TENM3: variants seen among roughly 807,000 people sequenced by gnomAD.
TENM3 encodes teneurin-3.
In TENM3, 63 loss-of-function variants were observed where a neutral mutation model predicts 255.1. The observed-to-expected ratio is 0.25, with a 90% CI of 0.20 to 0.30. The LOEUF (loss-of-function observed/expected upper bound fraction) is 0.30, where lower values mean the gene tolerates loss of function less well. TENM3 is among the 10% of genes least tolerant of loss of function. The pLI is 1.00. For missense variants in TENM3, 2,929 were observed against 3,461.1 expected (o/e 0.85, Z 3.86); for synonymous variants, 1,306 against 1,322.3 (o/e 0.99, Z 0.27).
intron 3 of TENM3, among the ~76,000 whole-genome samples, chr4:182,405,374 G>A (rs1218208348): frequency 6.6e-6 from 1 of 152,168 alleles, no homozygotes; most frequent in African/African-American, 2.4e-5. Context: ...CTTTTCCTTT[G>A]TATACTGATG....
Position 182,785,009 on chromosome 4 carries a change from G to A in TENM3, c.5305-4084G>A, listed in dbSNP as rs183628369. On this transcript the variant is annotated intron_variant, in intron 24 of 27. Coordinates refer to ENST00000511685, the MANE Select transcript of TENM3 (RefSeq NM_001080477.4). The stretch of plus-strand genomic sequence containing the variant: ...CTCAGATGGAAATGCAGAAATCACC[G>A]TCTTCGGCGTCTCTCATGCTGGGAG... Among the ~76,000 whole-genome samples the A allele has an allele frequency of 4.6e-3, 703 of 152,248 alleles. 3 individuals carry two copies. Among genetic ancestry groups the A allele is most frequent in the African/African-American group, 0.016 (646 of 41,558 alleles).
the TENM3 span, among the ~76,000 whole-genome samples, chr4:181,534,698 G>C: frequency 6.6e-6 from 1 of 152,100 alleles, no homozygotes; most frequent in African/African-American, 2.4e-5. Flanking sequence ...TTACCACACA[G>C]TTTATTTCAG....
intron 1 of TENM3, among the ~76,000 whole-genome samples, chr4:182,167,199 T>G (rs1314710852): frequency 6.6e-6 from 1 of 152,218 alleles, no homozygotes; most frequent in African/African-American, 2.4e-5. Context: ...TTCTCACACT[T>G]ACAAAAATAA....
chr4:182,186,628 TG>T (rs1753168026), intron 1 of TENM3, among the ~76,000 whole-genome samples: 1 of 150,926 alleles, frequency 6.6e-6, no homozygotes, highest in Admixed American at 6.6e-5. Flanking sequence ...GCCAATGTAT[TG>T]ACTTCTGGAT....
At chr4:182,503,327 T>TC (rs1216802940) in intron 3 of TENM3, among the ~76,000 whole-genome samples, 1 of 152,194 alleles carries the variant, frequency 6.6e-6, no homozygotes, top group African/African-American at 2.4e-5. Flanking sequence ...CTTTAGCGTC[T>TC]CCAGGGACTC....
chr4:182,793,957 A>G lies in TENM3; in HGVS notation c.7213+72A>G, dbSNP rs558645971. On this transcript the variant is annotated intron_variant, in intron 26 of 27. Coordinates refer to ENST00000511685, the MANE Select transcript of TENM3 (RefSeq NM_001080477.4). The surrounding 1 kb of genome is among the most constrained non-coding windows in gnomAD (Gnocchi z 5.7). ...AGATTAATACACAAAATAACTGGAA[A>G]TGCTTTTTTAAAAAACTTTATACTT... is the stretch of plus-strand genomic sequence containing the variant. The G allele has an allele frequency of 5.0e-4, 693 of 1,377,770 alleles. 4 individuals carry two copies. In the African/African-American group the frequency reaches 9.2e-3, roughly 18 times the overall value. 85.3% of individuals were successfully genotyped at this position (1,377,770 alleles called of 1,614,324 possible). A position where few individuals can be genotyped will look rare whatever the true frequency, so the allele number is the denominator to read the frequency against.
the TENM3 span, among the ~76,000 whole-genome samples, chr4:181,601,750 C>T: frequency 6.6e-6 from 1 of 152,062 alleles, no homozygotes; most frequent in South Asian, 2.1e-4. Flanking sequence ...CCTTCCTGGG[C>T]TCATATGAAC....
At chr4:181,740,270 G>C in the TENM3 span, among the ~76,000 whole-genome samples, 1 of 152,026 alleles carries the variant, frequency 6.6e-6, no homozygotes, top group Non-Finnish European at 1.5e-5. Flanking sequence ...TTTATGTCTT[G>C]AAGTTAATGA....
At chr4:181,542,197 A>G in the TENM3 span, among the ~76,000 whole-genome samples, 1 of 152,212 alleles carries the variant, frequency 6.6e-6, no homozygotes, top group Admixed American at 6.5e-5. Flanking sequence ...AAAGATGAGA[A>G]TAACGTATTC....
At chr4:182,479,662 C>T (rs999536874) in intron 3 of TENM3, among the ~76,000 whole-genome samples, 5 of 151,798 alleles carry the variant, frequency 3.3e-5, no homozygotes, top group Admixed American at 6.6e-5. Flanking sequence ...GTTGAAAATA[C>T]TATTTTTACA....
At chr4:182,415,767 T>G (rs912299671) in intron 3 of TENM3, among the ~76,000 whole-genome samples, 2 of 152,160 alleles carry the variant, frequency 1.3e-5, no homozygotes, top group African/African-American at 2.4e-5. Context: ...TATTGAACTT[T>G]AAGAAAATTA....
chr4:181,608,146 A>G, the TENM3 span, among the ~76,000 whole-genome samples: 5 of 152,182 alleles, frequency 3.3e-5, no homozygotes, highest in African/African-American at 9.6e-5. Flanking sequence ...TTTAGAGGTA[A>G]GTTTTAGCCT....
chr4:182,270,696 G>A (rs573358806), intron 1 of TENM3, among the ~76,000 whole-genome samples: 1 of 152,274 alleles, frequency 6.6e-6, no homozygotes, highest in South Asian at 2.1e-4. Flanking sequence ...CATCTACAGA[G>A]ACCTAAGGTA....
the TENM3 span, among the ~76,000 whole-genome samples, chr4:182,041,802 G>A: frequency 6.6e-6 from 1 of 152,176 alleles, no homozygotes; most frequent in Non-Finnish European, 1.5e-5. Context: ...TATGCAGCTG[G>A]TTGGTCTTGA....
chr4:182,371,092 A>G (rs1043164064), intron 3 of TENM3, among the ~76,000 whole-genome samples: 7 of 152,110 alleles, frequency 4.6e-5, no homozygotes, highest in Non-Finnish European at 1.0e-4. Flanking sequence ...TCTTTCTCAA[A>G]ACTAATTAGA....
chr4:182,309,082 A>G (rs1762297245), intron 1 of TENM3, among the ~76,000 whole-genome samples: 1 of 152,078 alleles, frequency 6.6e-6, no homozygotes, highest in African/African-American at 2.4e-5. Flanking sequence ...CGAATCAGAC[A>G]CTCAGACTGA....
the TENM3 span, among the ~76,000 whole-genome samples, chr4:181,663,694 A>G: frequency 6.6e-6 from 1 of 152,204 alleles, no homozygotes; most frequent in Non-Finnish European, 1.5e-5. Flanking sequence ...GAGGTTTGAC[A>G]CCAGTGTCCA....
intron 3 of TENM3, among the ~76,000 whole-genome samples, chr4:182,499,892 C>T (rs1736156025): frequency 6.6e-6 from 1 of 152,126 alleles, no homozygotes; most frequent in Admixed American, 6.6e-5. Flanking sequence ...TATACATAAA[C>T]ATTGAGTAGT....
chr4:181,538,530 T>G, the TENM3 span, among the ~76,000 whole-genome samples: 3 of 142,778 alleles, frequency 2.1e-5, no homozygotes, highest in African/African-American at 5.2e-5. Flanking sequence ...AGAGTAGGGG[T>G]GGGGTGGGGG....
Sources: gnomAD v4.1 joint callset for allele counts (sites outside exome capture counted in the v4.1 genomes callset) on GRCh38, gnomAD v4.1.1 for gene constraint, Gnocchi (gnomAD v3.1) non-coding constraint, MANE v1.5 for transcripts, NCBI Gene and HGNC (gene_info 2026-07-23, HGNC 2026-07-21) for gene names.